SYNCRIP: variants seen among roughly 807,000 people sequenced by gnomAD.
The protein encoded by SYNCRIP is heterogeneous nuclear ribonucleoprotein Q.
A neutral mutation model predicts 68.9 loss-of-function variants in SYNCRIP; 9 were observed. The observed-to-expected ratio is 0.13, with a 90% CI of 0.08 to 0.23. The LOEUF (loss-of-function observed/expected upper bound fraction) is 0.23. SYNCRIP is among the 10% of genes least tolerant of loss of function. The probability of loss-of-function intolerance (pLI) is 1.00; values close to 1 mark genes in which losing one functional copy is unlikely to be tolerated. For synonymous variants in SYNCRIP, 258 were observed against 254.0 expected (o/e 1.02, Z -0.15); for missense variants, 414 against 770.6 (o/e 0.54, Z 5.48).
chr6:85,624,891 C>T (rs1033605482), intron 6 of SYNCRIP, among the ~76,000 whole-genome samples: 3 of 152,292 alleles, frequency 2.0e-5, no homozygotes, highest in African/African-American at 7.2e-5. Context: ...AAATTTGTTA[C>T]TAATAATGGC....
downstream of SYNCRIP, chr6:85,611,103 A>G (rs1805202944): frequency 6.6e-6 from 1 of 152,080 alleles, no homozygotes; most frequent in Non-Finnish European, 1.5e-5. Context: ...ACATACTAAA[A>G]TGATTTATTT....
At chr6:85,639,751 A>G (rs1337510788) in intron 4 of SYNCRIP, among the ~76,000 whole-genome samples, 1 of 152,144 alleles carries the variant, frequency 6.6e-6, no homozygotes, top group Non-Finnish European at 1.5e-5. Context: ...TCATCTACAT[A>G]CCCACACTAA....
chr6:85,640,409 T>A (rs1323566909), intron 3 of SYNCRIP, 37 bp downstream of exon 3: 3 of 1,578,676 alleles, frequency 1.9e-6, no homozygotes, highest in Non-Finnish European at 2.6e-6. Context: ...TCAAAACTAC[T>A]CAAATTTTTT....
chr6:85,618,412 G>A (rs955887426), intron 10 of SYNCRIP, among the ~76,000 whole-genome samples: 6 of 151,658 alleles, frequency 4.0e-5, no homozygotes, highest in Non-Finnish European at 7.4e-5. Flanking sequence ...CAGGCATGGT[G>A]GCGCCTGTAA....
chr6:85,632,667 C>A (rs1339935650), intron 6 of SYNCRIP, among the ~76,000 whole-genome samples: 1 of 152,184 alleles, frequency 6.6e-6, no homozygotes, highest in Non-Finnish European at 1.5e-5. Flanking sequence ...AATGGCCAGG[C>A]GCAGTGGCTC....
chr6:85,624,210 T>G, intron 6 of SYNCRIP, 98 bp from the exon 7 acceptor site: 2 of 1,199,484 alleles, frequency 1.7e-6, no homozygotes, highest in South Asian at 2.9e-5. Flanking sequence ...CTTTAAAAAG[T>G]AGTTTACCTT....
At chr6:85,617,627 G>C (rs563662333) in intron 10 of SYNCRIP, among the ~76,000 whole-genome samples, 3 of 152,148 alleles carry the variant, frequency 2.0e-5, no homozygotes, top group Non-Finnish European at 4.4e-5. Flanking sequence ...AATTTTGTCT[G>C]ATCCCATTTT....
chr6:85,639,211 AAAACAAAC>A (rs563869901), intron 4 of SYNCRIP, among the ~76,000 whole-genome samples: 11 of 152,172 alleles, frequency 7.2e-5, no homozygotes, highest in African/African-American at 1.9e-4. Context: ...CTGTCTCCCA[AAAACAAAC>A]AAACAAACAA....
At chr6:85,634,620 T>C (rs1164737539) in intron 6 of SYNCRIP, among the ~76,000 whole-genome samples, 1 of 151,946 alleles carries the variant, frequency 6.6e-6, no homozygotes, top group Non-Finnish European at 1.5e-5. Context: ...GTATCTTCAA[T>C]CCTCAGCTAG....
At chr6:85,623,594 C>T (rs371149051) in intron 7 of SYNCRIP, among the ~76,000 whole-genome samples, 3 of 92,364 alleles carry the variant, frequency 3.2e-5, no homozygotes, top group East Asian at 1.0e-3. Flanking sequence ...CACTCTGCTA[C>T]GGCAATACTT....
chr6:85,613,372 T>G (rs1805405773), downstream of SYNCRIP, among the ~76,000 whole-genome samples: 1 of 152,196 alleles, frequency 6.6e-6, no homozygotes, highest in Non-Finnish European at 1.5e-5. Flanking sequence ...AAAGTTTGTC[T>G]TTCAAGTCAT....
chr6:85,624,115 GA>G lies in SYNCRIP; in HGVS notation c.667-4del. ...GAACGAATTTCATGATTATTATACTGAAAGGGGAAAAAGTGCATCATGTTTT... is the reference window on the plus strand; with the variant it reads ...GAACGAATTTCATGATTATTATACTGAAGGGGAAAAAGTGCATCATGTTTT... On this transcript the variant is annotated splice_polypyrimidine_tract_variant and splice_region_variant and intron_variant, in intron 6 of 10. Transcript: ENST00000369622. 1 of 1,610,286 alleles carries G rather than the reference GA, an allele frequency of 6.2e-7. No homozygotes were observed. The highest frequency in any genetic ancestry group is 1.1e-5 in the South Asian group (1 of 90,296).
At chr6:85,617,535 T>C (rs901140273) in intron 10 of SYNCRIP, among the ~76,000 whole-genome samples, 1 of 152,246 alleles carries the variant, frequency 6.6e-6, no homozygotes, top group Non-Finnish European at 1.5e-5. Context: ...TACACTATCA[T>C]CAAACCTACA....
intron 2 of SYNCRIP, among the ~76,000 whole-genome samples, chr6:85,640,857 G>T (rs150035501): frequency 1.3e-5 from 2 of 152,186 alleles, no homozygotes; most frequent in East Asian, 3.9e-4. Flanking sequence ...ACGAATCCTA[G>T]AATCAACCAA....
chr6:85,643,519 C>T (rs1809455314), upstream of SYNCRIP, among the ~76,000 whole-genome samples: 1 of 152,080 alleles, frequency 6.6e-6, no homozygotes, highest in African/African-American at 2.4e-5. Flanking sequence ...CGACACTCCC[C>T]CTCCCTCTCC....
Position 85,639,201 on chromosome 6 carries a change from CT to C in SYNCRIP, c.375+1019del, listed in dbSNP as rs573167275. On this transcript the variant is annotated intron_variant, in intron 4 of 10. Transcript: ENST00000369622. ...CCAGCCTGGGTGACAGAGTAAGACTCTGTCTCCCAAAAACAAACAAACAAAC... is the reference window on the plus strand; with the variant it reads ...CCAGCCTGGGTGACAGAGTAAGACTCGTCTCCCAAAAACAAACAAACAAAC... Among the ~76,000 whole-genome samples, 7 of 152,122 alleles carry C rather than the reference CT, an allele frequency of 4.6e-5. No individual in the cohort carries two copies. In the South Asian group the frequency reaches 1.5e-3, roughly 32 times the overall value.
At chr6:85,617,803 G>C (rs559625003) in intron 10 of SYNCRIP, among the ~76,000 whole-genome samples, 6 of 152,310 alleles carry the variant, frequency 3.9e-5, no homozygotes, top group Non-Finnish European at 8.8e-5. Flanking sequence ...AATTAACCTT[G>C]AATAGTATTG....
At chr6:85,628,672 A>G (rs868128329) in intron 6 of SYNCRIP, among the ~76,000 whole-genome samples, 2 of 152,164 alleles carry the variant, frequency 1.3e-5, no homozygotes, top group Non-Finnish European at 2.9e-5. Context: ...ACTCTTACAT[A>G]TTGTCTGTGT....
intron 6 of SYNCRIP, 91 bp from the exon 7 acceptor site, chr6:85,624,203 T>TA: frequency 7.7e-7 from 1 of 1,291,090 alleles, no homozygotes; most frequent in Non-Finnish European, 1.1e-6. Context: ...AATCATCCTT[T>TA]AAAAAGTAGT....
Sources: allele counts gnomAD v4.1 joint callset (sites outside exome capture counted in the v4.1 genomes callset), GRCh38; gene constraint gnomAD v4.1.1; transcripts MANE v1.5; gene names NCBI Gene and HGNC (gene_info 2026-07-23, HGNC 2026-07-21).